SNTG1: variants seen among roughly 807,000 people sequenced by gnomAD.
SNTG1 encodes gamma-1-syntrophin.
A neutral mutation model predicts 74.7 loss-of-function variants in SNTG1; 39 were observed. The observed-to-expected ratio is 0.52, with a 90% confidence interval of 0.40 to 0.68. The LOEUF is 0.68. SNTG1 is among the 30% of genes least tolerant of loss of function. The probability of loss-of-function intolerance (pLI) is 0.00; values close to 1 mark genes in which losing one functional copy is unlikely to be tolerated. For missense variants in SNTG1, 685 were observed against 609.5 expected, an observed-to-expected ratio of 1.12 and a Z score of -1.30; for synonymous variants, 254 against 217.1, an observed-to-expected ratio of 1.17 and a Z score of -1.49.
At chr8:50,678,415 T>C (rs1202416795) in intron 15 of SNTG1, among the ~76,000 whole-genome samples, 1 of 152,110 alleles carries the variant, frequency 6.6e-6, no homozygotes, top group Non-Finnish European at 1.5e-5. Context: ...TGCTCTGTGT[T>C]CTTACTATAT....
chr8:50,789,570 T>C (rs781776878), intron 18 of SNTG1, among the ~76,000 whole-genome samples: 2 of 152,052 alleles, frequency 1.3e-5, no homozygotes, highest in Non-Finnish European at 2.9e-5. Context: ...AGATGTAACA[T>C]GCCCAAAACC....
chr8:50,383,784 C>A (rs2092529626), intron 2 of SNTG1, among the ~76,000 whole-genome samples: 1 of 152,204 alleles, frequency 6.6e-6, no homozygotes, highest in Non-Finnish European at 1.5e-5. Flanking sequence ...CCTGTGCATA[C>A]TCTTCCTGAC....
intron 15 of SNTG1, among the ~76,000 whole-genome samples, chr8:50,676,300 C>T (rs1458026088): frequency 6.6e-6 from 1 of 151,934 alleles, no homozygotes; most frequent in African/African-American, 2.4e-5. Flanking sequence ...TCCCATATTT[C>T]TCAGAGGCTT....
At chr8:49,945,231 G>A (rs1809068008) in intron 1 of SNTG1, among the ~76,000 whole-genome samples, 1 of 152,106 alleles carries the variant, frequency 6.6e-6, no homozygotes, top group Non-Finnish European at 1.5e-5. Flanking sequence ...TGGAAGTCTG[G>A]TAGGTTAACT....
At chr8:50,245,842 T>C (rs1389011323) in intron 2 of SNTG1, among the ~76,000 whole-genome samples, 2 of 152,268 alleles carry the variant, frequency 1.3e-5, no homozygotes, top group East Asian at 3.9e-4. Context: ...ATTCTTGTCT[T>C]GTGGTAGTCA....
intron 4 of SNTG1, among the ~76,000 whole-genome samples, chr8:50,407,159 T>C (rs1322399091): frequency 6.6e-6 from 1 of 152,126 alleles, no homozygotes; most frequent in Non-Finnish European, 1.5e-5. Flanking sequence ...CAGCTAATTA[T>C]GAGATGAATT....
chr8:50,037,312 G>T (rs1249224716), intron 1 of SNTG1, among the ~76,000 whole-genome samples: 1 of 152,152 alleles, frequency 6.6e-6, no homozygotes, highest in African/African-American at 2.4e-5. Context: ...ATGATCTGAA[G>T]ATTTTCTTAA....
At chr8:50,465,915 G>C (rs1057154326) in intron 8 of SNTG1, among the ~76,000 whole-genome samples, 2 of 152,068 alleles carry the variant, frequency 1.3e-5, no homozygotes, top group Non-Finnish European at 2.9e-5. Flanking sequence ...TTCCATGCAG[G>C]TTTATGTGTG....
chr8:50,671,881 C>T (rs921645447), intron 15 of SNTG1, among the ~76,000 whole-genome samples: 3 of 151,788 alleles, frequency 2.0e-5, no homozygotes, highest in African/African-American at 7.3e-5. Flanking sequence ...ATGATGAGTT[C>T]ATGTCCTTTG....
chr8:49,964,132 G>A (rs774826702), intron 1 of SNTG1, among the ~76,000 whole-genome samples: 2 of 152,188 alleles, frequency 1.3e-5, no homozygotes, highest in South Asian at 2.1e-4. Context: ...TATTCTAGAT[G>A]TTCCTGTAAA....
At chr8:50,459,334 T>C (rs1339652368) in intron 8 of SNTG1, among the ~76,000 whole-genome samples, 1 of 152,212 alleles carries the variant, frequency 6.6e-6, no homozygotes, top group African/African-American at 2.4e-5. Context: ...TATCTGATTG[T>C]TAAGCAAACT....
chr8:50,622,915 G>A (rs575785470), intron 13 of SNTG1, among the ~76,000 whole-genome samples: 5 of 152,054 alleles, frequency 3.3e-5, no homozygotes, highest in East Asian at 1.9e-4. Flanking sequence ...ATGAATTACC[G>A]ATGTTTTCGG....
intron 2 of SNTG1, among the ~76,000 whole-genome samples, chr8:50,352,526 G>A (rs1384293360): frequency 1.3e-5 from 2 of 151,996 alleles, no homozygotes; most frequent in Non-Finnish European, 2.9e-5. Flanking sequence ...AAGTAGATCA[G>A]ATTACAGGCA....
chr8:50,201,217 A>G (rs1319240116), intron 2 of SNTG1, among the ~76,000 whole-genome samples: 2 of 152,192 alleles, frequency 1.3e-5, no homozygotes, highest in African/African-American at 4.8e-5. Flanking sequence ...TTTCTCATTT[A>G]TCTGTAATTC....
chr8:49,996,262 C>T (rs539805959), intron 1 of SNTG1, among the ~76,000 whole-genome samples: 2 of 151,986 alleles, frequency 1.3e-5, no homozygotes, highest in African/African-American at 2.4e-5. Flanking sequence ...GGAGAAAAGG[C>T]CAAATCACCA....
chr8:50,574,291 A>G (rs1179088558), intron 12 of SNTG1, among the ~76,000 whole-genome samples: 1 of 152,154 alleles, frequency 6.6e-6, no homozygotes, highest in Non-Finnish European at 1.5e-5. Flanking sequence ...ACTTAAAAAT[A>G]CTATTCAAAC....
intron 18 of SNTG1, among the ~76,000 whole-genome samples, chr8:50,785,592 A>G (rs1259243934): frequency 1.3e-5 from 2 of 152,080 alleles, no homozygotes; most frequent in Non-Finnish European, 2.9e-5. Context: ...CCATTAAACA[A>G]TGAAAAAACA....
intron 1 of SNTG1, among the ~76,000 whole-genome samples, chr8:50,013,862 G>A (rs1202197190): frequency 1.3e-5 from 2 of 152,118 alleles, no homozygotes; most frequent in Non-Finnish European, 2.9e-5. Context: ...CTTGGAACCT[G>A]AAAAGTTTAC....
At chr8:50,250,679 A>G (rs1340600639) in intron 2 of SNTG1, among the ~76,000 whole-genome samples, 1 of 152,118 alleles carries the variant, frequency 6.6e-6, no homozygotes, top group African/African-American at 2.4e-5. Context: ...ACTGAAAGAT[A>G]ATAAACAAAC....
Sources: allele counts gnomAD v4.1 joint callset (sites outside exome capture counted in the v4.1 genomes callset), GRCh38; gene constraint gnomAD v4.1.1; transcripts MANE v1.5; gene names NCBI Gene and HGNC (gene_info 2026-07-23, HGNC 2026-07-21).